SMIM10L3: variants seen among roughly 807,000 people sequenced by gnomAD.
SMIM10L3 encodes the protein small integral membrane protein 10 like 3.
the SMIM10L3 span, among the ~76,000 whole-genome samples, chr7:6,341,143 C>CA: frequency 0.29 from 41,389 of 141,928 alleles, 5,934 homozygotes; most frequent in African/African-American, 0.33. Context: ...GACTCTGTCC[C>CA]AAAAAAAAAA....
the SMIM10L3 span, chr7:6,348,883 G>A: frequency 7.7e-6 from 3 of 388,488 alleles, no homozygotes; most frequent in Non-Finnish European, 1.4e-5. Flanking sequence ...CGGGCGGGCG[G>A]GCCGCAGTGG....
chr7:6,344,439 T>C, the SMIM10L3 span, among the ~76,000 whole-genome samples: 5 of 152,162 alleles, frequency 3.3e-5, no homozygotes, highest in Admixed American at 2.0e-4. Flanking sequence ...TGTCTTTTTT[T>C]ACAGACGGGG....
the SMIM10L3 span, among the ~76,000 whole-genome samples, chr7:6,334,260 G>A: frequency 4.6e-4 from 70 of 151,360 alleles, 1 homozygote; most frequent in African/African-American, 1.5e-3. Flanking sequence ...GACTGGCTGG[G>A]CGCAGTGGCT....
At chr7:6,348,897 G>A in the SMIM10L3 span, 2 of 387,592 alleles carry the variant, frequency 5.2e-6, no homozygotes, top group African/African-American at 2.1e-5. Flanking sequence ...GCAGTGGAGC[G>A]GAGTCCGCAC....
the SMIM10L3 span, among the ~76,000 whole-genome samples, chr7:6,343,887 G>C: frequency 6.6e-6 from 1 of 152,050 alleles, no homozygotes; most frequent in Non-Finnish European, 1.5e-5. Context: ...GCAATGAAGA[G>C]GATGGGTATG....
chr7:6,329,880 G>A, the SMIM10L3 span: 3 of 169,772 alleles, frequency 1.8e-5, no homozygotes, highest in African/African-American at 7.2e-5. Context: ...TATGAGAAGT[G>A]AAATCGAATT....
chr7:6,331,046 C>A, the SMIM10L3 span: 1 of 1,613,924 alleles, frequency 6.2e-7, no homozygotes, highest in Non-Finnish European at 8.5e-7. Context: ...GGCCAAGGGC[C>A]CTCCGGCATT....
the SMIM10L3 span, chr7:6,342,085 G>A: frequency 6.6e-6 from 1 of 152,138 alleles, no homozygotes; most frequent in Admixed American, 6.6e-5. Context: ...CACTCATTAA[G>A]AACCTACCCT....
chr7:6,331,196 C>A, the SMIM10L3 span: 17 of 1,574,340 alleles, frequency 1.1e-5, no homozygotes, highest in Non-Finnish European at 1.5e-5. Context: ...GTCACGCCTT[C>A]GTCAGTCTGG....
At chr7:6,339,943 T>C in the SMIM10L3 span, among the ~76,000 whole-genome samples, 1 of 151,702 alleles carries the variant, frequency 6.6e-6, no homozygotes, top group Non-Finnish European at 1.5e-5. Flanking sequence ...GGAGTGCAGC[T>C]GCATGATCTC....
chr7:6,334,290 C>G, the SMIM10L3 span, among the ~76,000 whole-genome samples: 3 of 151,230 alleles, frequency 2.0e-5, no homozygotes, highest in Non-Finnish European at 4.4e-5. Context: ...AATCCCAGCA[C>G]TTGGGGAGGC....
the SMIM10L3 span, among the ~76,000 whole-genome samples, chr7:6,331,609 T>C: frequency 6.6e-6 from 1 of 152,066 alleles, no homozygotes; most frequent in Non-Finnish European, 1.5e-5. Flanking sequence ...CTCCATCTCC[T>C]GACCTCATGA....
chr7:6,342,151 G>A, the SMIM10L3 span, among the ~76,000 whole-genome samples: 1 of 152,182 alleles, frequency 6.6e-6, no homozygotes, highest in East Asian at 1.9e-4. Flanking sequence ...ATACCAAGCA[G>A]ACAGTCTCTT....
the SMIM10L3 span, among the ~76,000 whole-genome samples, chr7:6,332,755 G>C: frequency 6.6e-6 from 1 of 152,234 alleles, no homozygotes; most frequent in Non-Finnish European, 1.5e-5. Flanking sequence ...AGCTACAGCT[G>C]AAAGTGGCTG....
chr7:6,332,866 T>A, the SMIM10L3 span, among the ~76,000 whole-genome samples: 1 of 151,884 alleles, frequency 6.6e-6, no homozygotes, highest in Admixed American at 6.6e-5. Context: ...CATTAAGATT[T>A]GTTATAAATT....
the SMIM10L3 span, among the ~76,000 whole-genome samples, chr7:6,335,518 G>A: frequency 2.9e-3 from 422 of 144,862 alleles, 1 homozygote; most frequent in Non-Finnish European, 4.8e-3. Flanking sequence ...GTGAGCCTCC[G>A]TGCCCAGCCT....
At chr7:6,345,311 T>C in the SMIM10L3 span, among the ~76,000 whole-genome samples, 3 of 150,892 alleles carry the variant, frequency 2.0e-5, no homozygotes, top group Admixed American at 1.3e-4. Flanking sequence ...ACTGGGGTCT[T>C]GCTGTGTTGC....
At chr7:6,344,310 T>G in the SMIM10L3 span, among the ~76,000 whole-genome samples, 1 of 152,082 alleles carries the variant, frequency 6.6e-6, no homozygotes, top group Non-Finnish European at 1.5e-5. Flanking sequence ...CAGGGGAGTT[T>G]AAAGTAGCAG....
At chr7:6,345,179 A>G in the SMIM10L3 span, among the ~76,000 whole-genome samples, 1 of 151,808 alleles carries the variant, frequency 6.6e-6, no homozygotes, top group African/African-American at 2.4e-5. Flanking sequence ...GTGCAGCATC[A>G]TGATCACGGC....
Sources: allele counts gnomAD v4.1 joint callset (sites outside exome capture counted in the v4.1 genomes callset), GRCh38; gene constraint gnomAD v4.1.1; transcripts MANE v1.5; gene names NCBI Gene and HGNC (gene_info 2026-07-23, HGNC 2026-07-21).